Variants in SLC22A8 observed in about 807,000 individuals in gnomAD.
SLC22A8 encodes the protein organic anion transporter 3.
A neutral mutation model predicts 48.4 loss-of-function variants in SLC22A8; 40 were observed. The observed-to-expected ratio is 0.83, with a 90% CI of 0.64 to 1.08. The LOEUF (loss-of-function observed/expected upper bound fraction) is 1.08, where lower values mean the gene tolerates loss of function less well. Ranked by LOEUF, SLC22A8 falls within the 50% of genes least tolerant of loss-of-function variation. SLC22A8 has a pLI of 0.00. For missense variants in SLC22A8, 606 were observed against 699.0 expected (o/e 0.87, Z 1.50); for synonymous variants, 268 against 286.3 (o/e 0.94, Z 0.65).
intron 2 of SLC22A8, among the ~76,000 whole-genome samples, chr11:63,009,734 C>T (rs576691347): frequency 1.6e-4 from 24 of 152,260 alleles, no homozygotes; most frequent in African/African-American, 3.6e-4. Flanking sequence ...GGAGGGAGAC[C>T]GCCTCCACTC....
intron 2 of SLC22A8, among the ~76,000 whole-genome samples, chr11:63,009,014 G>A (rs1349585230): frequency 6.6e-6 from 1 of 152,150 alleles, no homozygotes; most frequent in Non-Finnish European, 1.5e-5. Flanking sequence ...CACATAATCA[G>A]GGGCTTTCTC....
chr11:63,006,934 G>T (rs1464281908), intron 2 of SLC22A8, among the ~76,000 whole-genome samples: 5 of 152,102 alleles, frequency 3.3e-5, no homozygotes, highest in African/African-American at 1.2e-4. Flanking sequence ...ATAGCTAGCA[G>T]AATAGTTGCT....
intron 4 of SLC22A8, 115 bp from the exon 5 acceptor site, chr11:62,999,204 T>C (rs2086461684): frequency 2.3e-6 from 2 of 883,900 alleles, no homozygotes; most frequent in African/African-American, 3.3e-5. Context: ...CCACGGATGC[T>C]GTTGATATCG....
chr11:62,993,609 T>C lies in SLC22A8; in HGVS notation c.1344A>G (p.Val448=), dbSNP rs780749244. 1.1e-5 allele frequency: 17 copies of C among 1,610,330 alleles called. No individual in the cohort carries two copies. The South Asian group carries it at 1.7e-4, about 16-fold the overall frequency. The change falls in exon 10 of 11, where the codon GTA becomes GTG. Residue 448 remains valine, a synonymous_variant. Coordinates refer to ENST00000336232, the MANE Select transcript of SLC22A8 (RefSeq NM_004254.4). ...PTVIRQTGMG[V]SNLWTRVGSM... ...TTCCCACGCGGGTCCACAGGTTACT[T>C]ACGCCCATACCTGTTTGCCTGCGAG...
intron 2 of SLC22A8, among the ~76,000 whole-genome samples, chr11:63,009,874 G>A (rs1278494086): frequency 2.6e-5 from 4 of 152,142 alleles, no homozygotes; most frequent in African/African-American, 9.7e-5. Context: ...GAGTGGCGAG[G>A]TCACTTGCCA....
At chr11:63,001,619 C>T (rs561624786) in intron 2 of SLC22A8, among the ~76,000 whole-genome samples, 10 of 152,352 alleles carry the variant, frequency 6.6e-5, no homozygotes, top group Non-Finnish European at 1.3e-4. Context: ...GCTCGTTTCT[C>T]TCTGCCTAGT....
intron 2 of SLC22A8, among the ~76,000 whole-genome samples, chr11:63,009,139 C>A (rs2086588836): frequency 6.6e-6 from 1 of 152,046 alleles, no homozygotes; most frequent in East Asian, 1.9e-4. Flanking sequence ...GAGGATGAGC[C>A]CCCGGCAGGG....
intron 2 of SLC22A8, among the ~76,000 whole-genome samples, chr11:63,007,307 A>C (rs1174088353): frequency 6.6e-6 from 1 of 152,140 alleles, no homozygotes; most frequent in African/African-American, 2.4e-5. Flanking sequence ...TGGCAATTCC[A>C]CATAATGTTC....
chr11:63,012,585 A>G (rs1418631074), intron 2 of SLC22A8, among the ~76,000 whole-genome samples: 1 of 151,932 alleles, frequency 6.6e-6, no homozygotes, highest in Non-Finnish European at 1.5e-5. Flanking sequence ...TGGTTAGATA[A>G]CCCTCCCCTG....
In SLC22A8 at chr11:62,993,117, C is replaced by T. The variant is rs937159316; in HGVS notation, c.*120G>A. 1.4e-6 allele frequency: 1 copy of T among 713,450 alleles called. No homozygotes were observed. The allele number at this position is 713,450 out of a possible 1,614,324, so 44.2% of individuals were successfully genotyped here. A position where few individuals can be genotyped will look rare whatever the true frequency, so the allele number is the denominator to read the frequency against. On this transcript the variant is annotated 3_prime_UTR_variant, in exon 11 of 11. Transcript: ENST00000336232. Reference sequence around the variant, plus strand: ...CTGGTGGTGGTGATGGAGACACCTTCACCAAGCTCTCAGAAGGCTTCATCC... The same window carrying T: ...CTGGTGGTGGTGATGGAGACACCTTTACCAAGCTCTCAGAAGGCTTCATCC...
intron 2 of SLC22A8, among the ~76,000 whole-genome samples, chr11:63,003,339 G>A (rs191289667): frequency 1.1e-4 from 16 of 152,344 alleles, no homozygotes; most frequent in Admixed American, 9.8e-4. Flanking sequence ...GGAAGTGAGG[G>A]AGAATGGTGG....
At chr11:63,010,310 C>T (rs1398584281) in intron 2 of SLC22A8, among the ~76,000 whole-genome samples, 1 of 152,108 alleles carries the variant, frequency 6.6e-6, no homozygotes, top group African/African-American at 2.4e-5. Flanking sequence ...GCGAGATGGC[C>T]CCTTGCTTCT....
intron 2 of SLC22A8, among the ~76,000 whole-genome samples, chr11:63,002,560 C>G (rs1234417706): frequency 6.6e-6 from 1 of 152,062 alleles, no homozygotes; most frequent in Non-Finnish European, 1.5e-5. Context: ...CTTTTGGTAA[C>G]CATCATTCTA....
At chr11:63,001,379 G>A (rs1306636834) in intron 2 of SLC22A8, among the ~76,000 whole-genome samples, 2 of 152,064 alleles carry the variant, frequency 1.3e-5, no homozygotes, top group Non-Finnish European at 2.9e-5. Flanking sequence ...TCCTTTGAAC[G>A]AGGAGCTGTA....
Position 62,993,776 on chromosome 11 carries a change from A to G in SLC22A8, c.1319T>C (p.Val440Ala). 1 of 1,611,730 alleles carries G rather than the reference A, an allele frequency of 6.2e-7. No homozygotes were observed. Among genetic ancestry groups the G allele is most frequent in the Non-Finnish European group, 8.5e-7 (1 of 1,177,800 alleles). ...CCCCAGGTCCAGCACCTACCTGATGACTGTGGGGTATAATTCACTTGTGTA... is the reference window on the plus strand; with the variant it reads ...CCCCAGGTCCAGCACCTACCTGATGGCTGTGGGGTATAATTCACTTGTGTA... ...FLYTSELYPTVIRQTGMGVSN... is the reference protein window; with the variant it reads ...FLYTSELYPTAIRQTGMGVSN... Residue 440 changes from valine (V) to alanine (A), a missense_variant, in exon 9 of 11, where the codon GTC becomes GCC. Coordinates refer to ENST00000336232, the MANE Select transcript of SLC22A8 (RefSeq NM_004254.4).
At position 62,993,183 on chromosome 11, in the gene SLC22A8, G is replaced by C; in HGVS notation, c.*54C>G. 7.1e-7 allele frequency: 1 copy of C among 1,412,550 alleles called. No individual in the cohort carries two copies. The highest frequency in any genetic ancestry group is 9.9e-7 in the Non-Finnish European group (1 of 1,014,734). The allele number at this position is 1,412,550 out of a possible 1,614,324, so 87.5% of individuals were successfully genotyped here. ...ATATGGGGCCTCCCTATACTCCTAA[G>C]GTGCCTGGCTAGGATCAGTCTCTGG... On this transcript the variant is annotated 3_prime_UTR_variant, in exon 11 of 11. Transcript: ENST00000336232.
At chr11:63,007,450 G>A (rs1479143284) in intron 2 of SLC22A8, among the ~76,000 whole-genome samples, 1 of 151,836 alleles carries the variant, frequency 6.6e-6, no homozygotes, top group Non-Finnish European at 1.5e-5. Context: ...CTCAGCCTCC[G>A]GAGTAGCTGG....
Position 62,994,747 on chromosome 11 carries a change from G to C in SLC22A8, c.1011C>G (p.Thr337=), listed in dbSNP as rs762674610. 6.2e-7 allele frequency: 1 copy of C among 1,614,060 alleles called. No homozygotes were observed. Among genetic ancestry groups the C allele is most frequent in the Non-Finnish European group, 8.5e-7 (1 of 1,179,892 alleles). ...TAGCCAAACTATAGTAGGCAAAACC[G>C]GTAGCAAACCTGAGAGGCAGAGAAG... is the stretch of plus-strand genomic sequence containing the variant. ...TFCLSLAWFA[T]GFAYYSLAMG... Residue 337 remains threonine, a synonymous_variant, in exon 8 of 11, where the codon ACC becomes ACG. Coordinates refer to ENST00000336232, the MANE Select transcript of SLC22A8 (RefSeq NM_004254.4).
chr11:62,998,984 G>T lies in SLC22A8; in HGVS notation c.698C>A (p.Pro233His). Residue 233 changes from proline to histidine, a missense_variant, in exon 5 of 11, where the codon CCC (proline) becomes CAC (histidine). Transcript: ENST00000336232. ...FILPGLAYAI[P>H]QWRWLQLTVS... is the part of the protein sequence containing the mutation. ...AGTTAACTGCAGCCAACGCCACTGG[G>T]GGATGGCGTAGGCCAGGCCGGGCAG... 6.2e-7 allele frequency: 1 copy of T among 1,614,020 alleles called. No homozygotes were observed. Among genetic ancestry groups the T allele is most frequent in the Non-Finnish European group, 8.5e-7 (1 of 1,179,836 alleles).
Sources: allele counts gnomAD v4.1 joint callset (sites outside exome capture counted in the v4.1 genomes callset), GRCh38; gene constraint gnomAD v4.1.1; transcripts MANE v1.5; gene names NCBI Gene and HGNC (gene_info 2026-07-23, HGNC 2026-07-21).